The following THSD7A variants were observed in gnomAD, a reference collection of about 807,000 sequenced individuals.
The protein encoded by THSD7A is thrombospondin type 1 domain containing 7A, also known as thrombospondin type-1 domain-containing protein 7A.
A neutral mutation model predicts 231.3 loss-of-function variants in THSD7A; 96 were observed. That is an observed-to-expected ratio of 0.41 (90% confidence interval 0.35 to 0.49). The LOEUF is 0.49. Ranked by LOEUF, THSD7A falls within the 20% of genes least tolerant of loss-of-function variation. The pLI, the probability that THSD7A is intolerant of heterozygous loss-of-function variation, is 0.05. For missense variants in THSD7A, 2,290 were observed against 2,070.2 expected, an observed-to-expected ratio of 1.11 and a Z score of -2.06; for synonymous variants, 940 against 743.3, an observed-to-expected ratio of 1.26 and a Z score of -4.30.
At chr7:11,426,891 G>T (rs932262099) in intron 14 of THSD7A, among the ~76,000 whole-genome samples, 4 of 152,180 alleles carry the variant, frequency 2.6e-5, no homozygotes, top group African/African-American at 9.7e-5. Flanking sequence ...AATGGGTATT[G>T]TAAATAGCAG....
At chr7:11,665,343 G>A (rs1403437390) in intron 1 of THSD7A, among the ~76,000 whole-genome samples, 1 of 152,002 alleles carries the variant, frequency 6.6e-6, no homozygotes, top group African/African-American at 2.4e-5. Context: ...AGCTTTTCAG[G>A]CATATAAATT....
At chr7:11,720,755 A>C (rs773366933) in intron 1 of THSD7A, among the ~76,000 whole-genome samples, 41 of 151,582 alleles carry the variant, frequency 2.7e-4, no homozygotes, top group Non-Finnish European at 5.0e-4. Flanking sequence ...CTCAGGCCTT[A>C]TTTGCTTGAA....
intron 2 of THSD7A, among the ~76,000 whole-genome samples, chr7:11,600,692 G>T (rs931814941): frequency 6.6e-6 from 1 of 152,158 alleles, no homozygotes; most frequent in Non-Finnish European, 1.5e-5. Context: ...GGTCCAATGG[G>T]AAAATGCACT....
At chr7:11,456,411 G>T (rs1785310613) in intron 11 of THSD7A, among the ~76,000 whole-genome samples, 1 of 151,790 alleles carries the variant, frequency 6.6e-6, no homozygotes. Context: ...ATCCTTAAAG[G>T]CAGATATTTT....
At chr7:11,481,272 A>C (rs944335506) in intron 7 of THSD7A, among the ~76,000 whole-genome samples, 4 of 152,140 alleles carry the variant, frequency 2.6e-5, no homozygotes, top group Non-Finnish European at 5.9e-5. Context: ...TACATATGAG[A>C]TTTCTGGACC....
Position 11,636,434 on chromosome 7 carries a change from C to G in THSD7A, c.718G>C (p.Val240Leu), listed in dbSNP as rs1457835585. The change falls in exon 2 of 28, where the codon GTG becomes CTG. Residue 240 changes from valine to leucine, a missense_variant. Coordinates refer to ENST00000423059, the MANE Select transcript of THSD7A (RefSeq NM_015204.3). This position sits in a 1 kb window ranked among gnomAD's most constrained non-coding sequence, Gnocchi z 10.0. ...SGCPNLTEFQ[V>L]CQSSPCEAEE... ...GCCTCGCATGGACTGGATTGGCACA[C>G]CTGGAACTCCGTCAGGTTTGGACAG... 6.2e-7 allele frequency: 1 copy of G among 1,613,706 alleles called. No homozygotes were observed. The highest frequency in any genetic ancestry group is 8.5e-7 in the Non-Finnish European group (1 of 1,179,854).
chr7:11,770,399 C>G (rs79200827), intron 1 of THSD7A, among the ~76,000 whole-genome samples: 3,228 of 152,118 alleles, frequency 0.021, 115 homozygotes, highest in African/African-American at 0.073. Flanking sequence ...TTAATGAAAC[C>G]ATTTAGTACA....
At chr7:11,765,476 A>G (rs531827563) in intron 1 of THSD7A, among the ~76,000 whole-genome samples, 81 of 152,340 alleles carry the variant, frequency 5.3e-4, no homozygotes, top group South Asian at 1.7e-3. Context: ...GTCAAAAGCA[A>G]CAAATGTTTC....
chr7:11,406,585 G>A lies in THSD7A; in HGVS notation c.4063-111C>T. On this transcript the variant is annotated intron_variant, in intron 21 of 27. Coordinates refer to ENST00000423059, the MANE Select transcript of THSD7A (RefSeq NM_015204.3). This position sits in a 1 kb window ranked among gnomAD's most constrained non-coding sequence, Gnocchi z 4.7. ...CTTTGATTTATGAACATTTAGAGAA[G>A]GATTTGAAACCCTAGGGAAGAAGCC... 2 of 1,224,414 alleles carry A rather than the reference G, an allele frequency of 1.6e-6. No individual in the cohort carries two copies. Among genetic ancestry groups the A allele is most frequent in the Non-Finnish European group, 2.2e-6 (2 of 900,390 alleles). 75.8% of individuals were successfully genotyped at this position (1,224,414 alleles called of 1,614,324 possible). A position where few individuals can be genotyped will look rare whatever the true frequency, so the allele number is the denominator to read the frequency against.
intron 1 of THSD7A, among the ~76,000 whole-genome samples, chr7:11,711,640 G>A (rs757449306): frequency 4.6e-5 from 7 of 151,060 alleles, no homozygotes; most frequent in Non-Finnish European, 5.9e-5. Context: ...TAGGTACTAA[G>A]CATGGCAATG....
chr7:11,509,147 A>G (rs1787683719), intron 6 of THSD7A, among the ~76,000 whole-genome samples: 1 of 152,230 alleles, frequency 6.6e-6, no homozygotes, highest in African/African-American at 2.4e-5. Context: ...TAAATCTTTA[A>G]ATATTAACTT....
rs1002302510 is a variant in THSD7A at position 11,503,926 on chromosome 7, A to G, written c.1823-21944T>C. 2.0e-5 allele frequency among the ~76,000 whole-genome samples: 3 copies of G among 152,322 alleles called. No individual in the cohort carries two copies. In the East Asian group the frequency reaches 5.8e-4, roughly 29 times the overall value. ...TGGTTCCTCAAAGAGCTAAAAGCAG[A>G]AGTACCATTTGGTCCAGCAATCCCA... On this transcript the variant is annotated intron_variant, in intron 6 of 27. Transcript: ENST00000423059.
At position 11,780,997 on chromosome 7, in the gene THSD7A, C is replaced by CAAAAAAAAAA; in HGVS notation, c.190+50750_190+50759dup. ...TGGGCGACAGAGCGAGACTCCGTCT[C>CAAAAAAAAAA]AAAAAAAAAAAAAAAAAAAAAAAAA... On this transcript the variant is annotated intron_variant, in intron 1 of 27. Transcript: ENST00000423059. Among the ~76,000 whole-genome samples the CAAAAAAAAAA allele has an allele frequency of 4.4e-3, 151 of 34,446 alleles. 32 individuals are homozygous for CAAAAAAAAAA. Among genetic ancestry groups the CAAAAAAAAAA allele is most frequent in the Non-Finnish European group, 5.9e-3 (112 of 18,858 alleles). 22.6% of individuals were successfully genotyped at this position (34,446 alleles called of 152,430 possible).
chr7:11,566,129 G>A (rs530665456), intron 4 of THSD7A, among the ~76,000 whole-genome samples: 3 of 152,072 alleles, frequency 2.0e-5, no homozygotes, highest in Non-Finnish European at 2.9e-5. Context: ...GTCAAATGTT[G>A]CTGAGTGTCA....
In THSD7A at chr7:11,485,722, A is replaced by G. The variant is rs79999447; in HGVS notation, c.1823-3740T>C. On this transcript the variant is annotated intron_variant, in intron 6 of 27. Transcript: ENST00000423059. Reference sequence around the variant, plus strand: ...GAGAACTGAGGATGCCAAGGCAGTAAATAATAGATAAGGCTTTGCCTCCAA... The same window carrying G: ...GAGAACTGAGGATGCCAAGGCAGTAGATAATAGATAAGGCTTTGCCTCCAA... Among the ~76,000 whole-genome samples, 1,521 of 152,302 alleles carry G rather than the reference A, an allele frequency of 1.0e-2. 33 individuals are homozygous for G. The highest frequency in any genetic ancestry group is 0.035 in the African/African-American group (1,451 of 41,566).
chr7:11,709,904 A>G (rs1780893619), intron 1 of THSD7A, among the ~76,000 whole-genome samples: 1 of 150,824 alleles, frequency 6.6e-6, no homozygotes, highest in Non-Finnish European at 1.5e-5. Context: ...CAGTGCAAAC[A>G]TGCATTCCTG....
intron 1 of THSD7A, among the ~76,000 whole-genome samples, chr7:11,733,421 G>T (rs1435706418): frequency 6.6e-6 from 1 of 151,854 alleles, no homozygotes; most frequent in African/African-American, 2.4e-5. Context: ...TGCATAAGGT[G>T]TGTGAAAAAA....
intron 6 of THSD7A, among the ~76,000 whole-genome samples, chr7:11,497,504 A>T (rs191542102): frequency 3.9e-5 from 6 of 152,316 alleles, no homozygotes; most frequent in Non-Finnish European, 8.8e-5. Flanking sequence ...AAACAAAGCC[A>T]ATTACCAATC....
At chr7:11,536,678 CCT>C (rs1393138979) in intron 6 of THSD7A, among the ~76,000 whole-genome samples, 5 of 152,194 alleles carry the variant, frequency 3.3e-5, no homozygotes, top group African/African-American at 1.2e-4. Context: ...ATTCATTCCC[CCT>C]TTTCTTACTG....
Sources: gnomAD v4.1 joint callset for allele counts (sites outside exome capture counted in the v4.1 genomes callset) on GRCh38, gnomAD v4.1.1 for gene constraint, Gnocchi (gnomAD v3.1) non-coding constraint, MANE v1.5 for transcripts, NCBI Gene and HGNC (gene_info 2026-07-23, HGNC 2026-07-21) for gene names.